The following ADAM18 variants were observed in gnomAD, a reference collection of about 807,000 sequenced individuals.
ADAM18 encodes the protein ADAM metallopeptidase domain 18.
In ADAM18, 117 loss-of-function variants were observed where a neutral mutation model predicts 94.4. The observed-to-expected ratio is 1.24, with a 90% CI of 1.07 to 1.45. The LOEUF is 1.45. ADAM18 is among the 40% of genes most tolerant of loss of function. The probability of loss-of-function intolerance (pLI) is 0.00; values close to 1 mark genes in which losing one functional copy is unlikely to be tolerated. For synonymous variants in ADAM18, 327 were observed against 291.6 expected (o/e 1.12, Z -1.24); for missense variants, 936 against 880.0 (o/e 1.06, Z -0.81).
At chr8:39,699,279 C>T (rs1410839184) in intron 17 of ADAM18, among the ~76,000 whole-genome samples, 3 of 152,040 alleles carry the variant, frequency 2.0e-5, no homozygotes, top group Non-Finnish European at 4.4e-5. Flanking sequence ...TAATGTACAT[C>T]ATATTCATTC....
intron 18 of ADAM18, among the ~76,000 whole-genome samples, chr8:39,708,556 T>C (rs935563406): frequency 2.0e-5 from 3 of 152,174 alleles, no homozygotes; most frequent in African/African-American, 7.2e-5. Flanking sequence ...GGCATAACAT[T>C]TATGCTTTAT....
chr8:39,716,934 CAT>C (rs1158807687), intron 18 of ADAM18, among the ~76,000 whole-genome samples: 6 of 151,942 alleles, frequency 3.9e-5, no homozygotes, highest in African/African-American at 1.4e-4. Flanking sequence ...TTTATCATAA[CAT>C]AAAGACTTTG....
chr8:39,703,771 A>T (rs1822153423), intron 17 of ADAM18, among the ~76,000 whole-genome samples: 1 of 152,046 alleles, frequency 6.6e-6, no homozygotes. Context: ...TAACCAATTC[A>T]GGAGTTTATT....
intron 14 of ADAM18, among the ~76,000 whole-genome samples, chr8:39,672,086 G>T (rs915146380): frequency 1.3e-5 from 2 of 152,006 alleles, no homozygotes; most frequent in African/African-American, 2.4e-5. Flanking sequence ...AAGATTACTC[G>T]CCCTAAGTGA....
intron 18 of ADAM18, among the ~76,000 whole-genome samples, chr8:39,719,564 T>A (rs1822688564): frequency 6.6e-6 from 1 of 151,476 alleles, no homozygotes; most frequent in Non-Finnish European, 1.5e-5. Context: ...AATATATACC[T>A]GATAAAGTAT....
chr8:39,606,925 T>C (rs1819104006), intron 3 of ADAM18, among the ~76,000 whole-genome samples: 1 of 152,102 alleles, frequency 6.6e-6, no homozygotes, highest in African/African-American at 2.4e-5. Context: ...GGAGAAGGAA[T>C]TTCACAAGGA....
At chr8:39,614,151 C>G (rs1235800684) in intron 6 of ADAM18, among the ~76,000 whole-genome samples, 1 of 152,064 alleles carries the variant, frequency 6.6e-6, no homozygotes, top group East Asian at 1.9e-4. Context: ...CTATACGAGA[C>G]AACCATCCCA....
intron 6 of ADAM18, among the ~76,000 whole-genome samples, chr8:39,623,309 T>G (rs997754733): frequency 6.6e-6 from 1 of 152,220 alleles, no homozygotes; most frequent in Non-Finnish European, 1.5e-5. Context: ...AGTAAACATA[T>G]GTGTGCAGAA....
At chr8:39,597,017 C>G (rs1818763317) in intron 2 of ADAM18, among the ~76,000 whole-genome samples, 1 of 152,122 alleles carries the variant, frequency 6.6e-6, no homozygotes, top group Non-Finnish European at 1.5e-5. Context: ...GGATGCACAG[C>G]CTCCCTGACT....
chr8:39,613,639 A>G (rs903003664), intron 6 of ADAM18, among the ~76,000 whole-genome samples: 1 of 152,194 alleles, frequency 6.6e-6, no homozygotes, highest in Admixed American at 6.5e-5. Flanking sequence ...AACGACTGAA[A>G]TTACATACTT....
intron 3 of ADAM18, among the ~76,000 whole-genome samples, chr8:39,607,849 G>T (rs1819139021): frequency 6.7e-6 from 1 of 148,896 alleles, no homozygotes; most frequent in South Asian, 2.1e-4. Flanking sequence ...TCAATCATCT[G>T]GTTGTTTAAT....
chr8:39,703,407 A>G (rs1027842347), intron 17 of ADAM18, among the ~76,000 whole-genome samples: 2 of 152,122 alleles, frequency 1.3e-5, no homozygotes, highest in African/African-American at 4.8e-5. Context: ...ATTTTTAGAT[A>G]TAGGATCATG....
At position 39,648,359 on chromosome 8, in the gene ADAM18, A is replaced by T; in HGVS notation, c.1062A>T (p.Arg354Ser). The T allele has an allele frequency of 1.3e-6, 2 of 1,592,500 alleles. No individual in the cohort carries two copies. Among genetic ancestry groups the T allele is most frequent in the Non-Finnish European group, 1.7e-6 (2 of 1,170,480 alleles). The change falls in exon 12 of 20, where the codon AGA (arginine) becomes AGT (serine). Residue 354 changes from arginine to serine, a missense_variant. Arg to Ser is a moderately radical substitution (Grantham distance 110). Transcript: ENST00000265707. The part of the protein sequence containing the change: ...MNHEAVSASG[R>S]KIFSNCSMHD... ...TTTATTTTAGGAGTGCCAGTGGTAG[A>T]AAGATTTTTAGCAACTGCAGCATGC...
intron 19 of ADAM18, among the ~76,000 whole-genome samples, chr8:39,728,135 C>T (rs567649471): frequency 9.9e-5 from 15 of 152,146 alleles, no homozygotes; most frequent in African/African-American, 3.1e-4. Flanking sequence ...CTCACTATTA[C>T]CAGGACAGCA....
intron 14 of ADAM18, among the ~76,000 whole-genome samples, chr8:39,676,238 A>G (rs1396554639): frequency 6.6e-6 from 1 of 152,184 alleles, no homozygotes; most frequent in Non-Finnish European, 1.5e-5. Context: ...TTGTTCAGCT[A>G]TGCTCTGCCC....
intron 16 of ADAM18, among the ~76,000 whole-genome samples, 173 bp downstream of exon 16, chr8:39,680,399 A>G (rs1821422063): frequency 6.6e-6 from 1 of 152,198 alleles, no homozygotes; most frequent in African/African-American, 2.4e-5. Flanking sequence ...ATCCAATTAC[A>G]TTGCTTTTTG....
intron 12 of ADAM18, among the ~76,000 whole-genome samples, chr8:39,653,353 TAA>T (rs1254345461): frequency 1.3e-5 from 2 of 152,108 alleles, no homozygotes; most frequent in African/African-American, 2.4e-5. Context: ...GAAATATCAC[TAA>T]AGATCTATAC....
intron 11 of ADAM18, 42 bp from the exon 12 acceptor site, chr8:39,648,302 T>G: frequency 6.7e-7 from 1 of 1,492,864 alleles, no homozygotes; most frequent in Non-Finnish European, 9.0e-7. Context: ...TGTGGTTTTA[T>G]TAGCCAGGCT....
At chr8:39,688,332 G>T (rs1161595374) in intron 16 of ADAM18, among the ~76,000 whole-genome samples, 3 of 152,044 alleles carry the variant, frequency 2.0e-5, no homozygotes, top group African/African-American at 7.2e-5. Context: ...TCATCACCCA[G>T]GTATTAAGCC....
Sources: allele counts gnomAD v4.1 joint callset (sites outside exome capture counted in the v4.1 genomes callset), GRCh38; gene constraint gnomAD v4.1.1; transcripts MANE v1.5; gene names NCBI Gene and HGNC (gene_info 2026-07-23, HGNC 2026-07-21).